Variants in CCDC102B observed in about 807,000 individuals in gnomAD.
CCDC102B encodes the protein coiled-coil domain-containing protein 102B.
Under a neutral mutation model 57.4 loss-of-function variants are expected in CCDC102B, and 75 were observed. The ratio of observed to expected loss-of-function variants is 1.31; its 90% CI spans 1.08 to 1.58. The LOEUF (loss-of-function observed/expected upper bound fraction) is 1.58, where lower values mean the gene tolerates loss of function less well. Ranked by LOEUF, CCDC102B falls within the 40% of genes most tolerant of loss-of-function variation. The pLI is 0.00. For synonymous variants in CCDC102B, 206 were observed against 201.9 expected (o/e 1.02, Z -0.17); for missense variants, 636 against 582.6 (o/e 1.09, Z -0.94).
At chr18:69,010,824 C>T (rs1445956867) in intron 6 of CCDC102B, 110 bp from the exon 7 acceptor site, 7 of 678,994 alleles carry the variant, frequency 1.0e-5, no homozygotes, top group Non-Finnish European at 1.7e-5. Flanking sequence ...GATGATGGCT[C>T]ATCTAAATTC....
At chr18:68,750,302 G>A (rs1338435788) in intron 2 of CCDC102B, among the ~76,000 whole-genome samples, 1 of 152,192 alleles carries the variant, frequency 6.6e-6, no homozygotes, top group Admixed American at 6.5e-5. Flanking sequence ...AACAGGTGCT[G>A]GAGAGGATGT....
intron 7 of CCDC102B, among the ~76,000 whole-genome samples, chr18:69,020,162 A>G (rs2051791079): frequency 6.6e-6 from 1 of 152,140 alleles, no homozygotes; most frequent in Non-Finnish European, 1.5e-5. Context: ...GTTAAAAGAT[A>G]TATAAATCGG....
At chr18:69,051,829 T>C (rs2052713008) in intron 7 of CCDC102B, among the ~76,000 whole-genome samples, 1 of 151,886 alleles carries the variant, frequency 6.6e-6, no homozygotes, top group Admixed American at 6.6e-5. Context: ...AATGTGTTTG[T>C]ATAGGAAAAA....
intron 6 of CCDC102B, among the ~76,000 whole-genome samples, chr18:69,002,965 T>C (rs2051245407): frequency 6.6e-6 from 1 of 152,148 alleles, no homozygotes; most frequent in African/African-American, 2.4e-5. Context: ...TGCAATACCC[T>C]TCTCCCTCGA....
intron 7 of CCDC102B, among the ~76,000 whole-genome samples, chr18:69,040,261 T>G (rs75862915): frequency 0.03 from 4,496 of 152,086 alleles, 140 homozygotes; most frequent in East Asian, 0.16. Flanking sequence ...AACCAATATT[T>G]TATTTTTATA....
At chr18:69,041,409 C>T (rs1568144404) in intron 7 of CCDC102B, among the ~76,000 whole-genome samples, 2 of 152,056 alleles carry the variant, frequency 1.3e-5, no homozygotes, top group African/African-American at 4.8e-5. Context: ...ACAGGTTTGC[C>T]TGCTATATTA....
At chr18:68,820,183 C>T (rs930722781) in intron 1 of CCDC102B, among the ~76,000 whole-genome samples, 2 of 151,956 alleles carry the variant, frequency 1.3e-5, no homozygotes, top group South Asian at 2.1e-4. Flanking sequence ...TAAAGGGGAT[C>T]GCTTTAGGTT....
At chr18:68,880,351 A>C (rs1455126290) in intron 5 of CCDC102B, among the ~76,000 whole-genome samples, 1 of 152,182 alleles carries the variant, frequency 6.6e-6, no homozygotes, top group Non-Finnish European at 1.5e-5. Context: ...CACCGCGCGC[A>C]GCCCCGGTTC....
intron 2 of CCDC102B, among the ~76,000 whole-genome samples, chr18:68,739,272 C>T (rs2033282299): frequency 2.0e-5 from 3 of 152,194 alleles, no homozygotes; most frequent in Admixed American, 1.3e-4. Flanking sequence ...CTGAGATTAA[C>T]AGGCGTGAGC....
chr18:68,914,969 T>TA (rs1340768414), intron 6 of CCDC102B, among the ~76,000 whole-genome samples: 3 of 44,466 alleles, frequency 6.7e-5, no homozygotes, highest in African/African-American at 2.6e-4. Flanking sequence ...TAGGCACTAC[T>TA]GGGGGGAGAG....
At chr18:68,771,210 G>C (rs1296003300) in intron 2 of CCDC102B, among the ~76,000 whole-genome samples, 5 of 152,290 alleles carry the variant, frequency 3.3e-5, no homozygotes, top group African/African-American at 1.2e-4. Flanking sequence ...CAGCTCCATA[G>C]TTTTGATACA....
At chr18:69,027,934 C>T (rs1052455071) in intron 7 of CCDC102B, among the ~76,000 whole-genome samples, 1 of 152,132 alleles carries the variant, frequency 6.6e-6, no homozygotes, top group South Asian at 2.1e-4. Flanking sequence ...ATATAATGCC[C>T]TGAGCCCTTA....
intron 6 of CCDC102B, among the ~76,000 whole-genome samples, chr18:68,931,296 A>G (rs550498765): frequency 6.6e-6 from 1 of 151,986 alleles, no homozygotes; most frequent in East Asian, 1.9e-4. Flanking sequence ...ATTTTAAGAT[A>G]CTTGTATTAT....
At chr18:68,778,801 GA>G (rs1296944044) in intron 2 of CCDC102B, among the ~76,000 whole-genome samples, 2 of 147,132 alleles carry the variant, frequency 1.4e-5, no homozygotes, top group Non-Finnish European at 3.0e-5. Context: ...TGGGGAAGCA[GA>G]ACCATGAAGA....
chr18:68,986,762 T>C (rs1232082636), intron 6 of CCDC102B, among the ~76,000 whole-genome samples: 2 of 151,608 alleles, frequency 1.3e-5, no homozygotes, highest in Non-Finnish European at 2.9e-5. Flanking sequence ...CAAAAGTCAG[T>C]GGCATTTCTA....
At chr18:68,939,661 G>A (rs565460917) in intron 6 of CCDC102B, among the ~76,000 whole-genome samples, 8 of 151,850 alleles carry the variant, frequency 5.3e-5, no homozygotes, top group Non-Finnish European at 1.0e-4. Context: ...AGAATATGTC[G>A]CAGAAGGTTG....
chr18:68,771,869 T>TACACACACACACACAC (rs57733183), intron 2 of CCDC102B, among the ~76,000 whole-genome samples: 1 of 142,026 alleles, frequency 7.0e-6, no homozygotes, highest in African/African-American at 2.6e-5. Flanking sequence ...TACTCTGAAA[T>TACACACACACACACAC]ACACACACAC....
At chr18:68,884,656 A>G (rs912711857) in intron 5 of CCDC102B, among the ~76,000 whole-genome samples, 6 of 149,860 alleles carry the variant, frequency 4.0e-5, no homozygotes, top group Non-Finnish European at 8.9e-5. Context: ...TCCCCATCGT[A>G]TATATATACA....
At chr18:69,050,194 C>T (rs2145495901) in intron 7 of CCDC102B, among the ~76,000 whole-genome samples, 1 of 152,276 alleles carries the variant, frequency 6.6e-6, no homozygotes, top group South Asian at 2.1e-4. Flanking sequence ...TGTAATTCAA[C>T]TCACAATGTT....
Sources: allele counts gnomAD v4.1 joint callset (sites outside exome capture counted in the v4.1 genomes callset), GRCh38; gene constraint gnomAD v4.1.1; transcripts MANE v1.5; gene names NCBI Gene and HGNC (gene_info 2026-07-23, HGNC 2026-07-21).